The following TRIM22 variants were observed in gnomAD, a reference collection of about 807,000 sequenced individuals.
TRIM22 encodes the protein E3 ubiquitin-protein ligase TRIM22.
In TRIM22, 45 loss-of-function variants were observed where a neutral mutation model predicts 53.6. The observed-to-expected ratio is 0.84, with a 90% confidence interval of 0.66 to 1.08. The LOEUF (loss-of-function observed/expected upper bound fraction) is 1.08. Ranked by LOEUF, TRIM22 falls within the 50% of genes least tolerant of loss-of-function variation. The pLI is 0.00. For missense variants in TRIM22, 616 were observed against 590.9 expected (o/e 1.04, Z -0.44); for synonymous variants, 225 against 216.6 (o/e 1.04, Z -0.34).
At chr11:5,696,048 T>A in intron 1 of TRIM22, 119 bp from the exon 2 acceptor site, 1 of 511,236 alleles carries the variant, frequency 2.0e-6, no homozygotes, top group Non-Finnish European at 3.4e-6. Flanking sequence ...TTATTCTTCA[T>A]GCCTTTCTTT....
chr11:5,707,387 T>G (rs569524795), intron 5 of TRIM22, among the ~76,000 whole-genome samples: 95 of 152,316 alleles, frequency 6.2e-4, no homozygotes, highest in African/African-American at 2.3e-3. Context: ...AGGAGACAGA[T>G]TCTATGGCCT....
At chr11:5,701,700 G>A (rs1353502320) in intron 4 of TRIM22, among the ~76,000 whole-genome samples, 2 of 152,070 alleles carry the variant, frequency 1.3e-5, no homozygotes, top group African/African-American at 4.8e-5. Context: ...AGTTCTGAAA[G>A]CTCAGAGCCC....
At chr11:5,699,135 C>G (rs1183473648) in intron 4 of TRIM22, among the ~76,000 whole-genome samples, 2 of 152,078 alleles carry the variant, frequency 1.3e-5, no homozygotes. Context: ...GAATATTTTC[C>G]AGTTAGGGAC....
chr11:5,698,613 C>T, intron 4 of TRIM22, 68 bp downstream of exon 4: 1 of 1,313,414 alleles, frequency 7.6e-7, no homozygotes, highest in Non-Finnish European at 1.1e-6. Flanking sequence ...TTTTCCTTCC[C>T]TTCCCAGTCT....
intron 4 of TRIM22, among the ~76,000 whole-genome samples, chr11:5,700,403 C>T (rs1853352834): frequency 6.6e-6 from 1 of 151,938 alleles, no homozygotes; most frequent in African/African-American, 2.4e-5. Flanking sequence ...GCGTGAGCCA[C>T]CGCGCCTGGC....
At chr11:5,696,794 C>A in intron 2 of TRIM22, 139 bp downstream of exon 2, 2 of 939,240 alleles carry the variant, frequency 2.1e-6, no homozygotes, top group South Asian at 1.8e-5. Flanking sequence ...ATACTCTTTG[C>A]TTAGTTTCTG....
At chr11:5,691,347 C>A (rs953142942) in intron 1 of TRIM22, among the ~76,000 whole-genome samples, 53 of 152,198 alleles carry the variant, frequency 3.5e-4, no homozygotes, top group Non-Finnish European at 6.3e-4. Flanking sequence ...TGACTGGGGG[C>A]TGCATACACC....
intron 4 of TRIM22, among the ~76,000 whole-genome samples, chr11:5,703,920 A>G: frequency 6.6e-6 from 1 of 152,210 alleles, no homozygotes; most frequent in East Asian, 1.9e-4. Context: ...AACCTGAGAA[A>G]TGCAAATCAA....
In TRIM22 at chr11:5,709,236, C is replaced by A; in HGVS notation, c.1085C>A (p.Ser362Tyr). The part of the protein sequence containing the change: ...SGKYYWEVDV[S>Y]GKIAWILGVH... ...AAATATTACTGGGAAGTAGATGTGT[C>A]TGGAAAGATTGCCTGGATCCTGGGC... Residue 362 changes from serine (S) to tyrosine (Y), a missense_variant, in exon 8 of 8, where the codon TCT becomes TAT. Physicochemically the swap from Ser to Tyr is moderately radical, Grantham distance 144. Coordinates refer to ENST00000379965, the MANE Select transcript of TRIM22 (RefSeq NM_006074.5). 1 of 1,614,130 alleles carries A rather than the reference C, an allele frequency of 6.2e-7. No homozygotes were observed. The highest frequency in any genetic ancestry group is 8.5e-7 in the Non-Finnish European group (1 of 1,180,026).
At position 5,696,750 on chromosome 11, in the gene TRIM22, C is replaced by T. The variant is rs376896776; in HGVS notation, c.423+95C>T. ...TTTTGTCCTGCTTTATTCCCCTTGT[C>T]ACCATAGAACGGAGAGCCCTGTGAT... On this transcript the variant is annotated intron_variant, in intron 2 of 7. Transcript: ENST00000379965. 5.3e-6 allele frequency: 7 copies of T among 1,321,376 alleles called. No individual in the cohort carries two copies. The Admixed American group carries it at 9.7e-5, about 18-fold the overall frequency. The allele number at this position is 1,321,376 out of a possible 1,614,324, so 81.9% of individuals were successfully genotyped here. A position where few individuals can be genotyped will look rare whatever the true frequency, so the allele number is the denominator to read the frequency against.
In TRIM22 at chr11:5,708,289, G is replaced by A; in HGVS notation, c.874+16G>A. The A allele has an allele frequency of 1.9e-6, 3 of 1,604,252 alleles. No homozygotes were observed. The highest frequency in any genetic ancestry group is 1.7e-5 in the Admixed American group (1 of 59,982). On this transcript the variant is annotated intron_variant, in intron 6 of 7. Transcript: ENST00000379965. ...GTTCTTAAAGGTAAGGGGATTCAGG[G>A]GAAGGCTGTGAATGTGGATTTCTTA...
chr11:5,693,817 G>A lies in TRIM22; in HGVS notation c.-66-2350G>A, dbSNP rs181159083. ...TGTCATAGAAAAAGTACCAAAAGTGGTTGGCTTAAATAGCAGAAATATATT... is the reference window on the plus strand; with the variant it reads ...TGTCATAGAAAAAGTACCAAAAGTGATTGGCTTAAATAGCAGAAATATATT... On this transcript the variant is annotated intron_variant, in intron 1 of 7. Coordinates refer to ENST00000379965, the MANE Select transcript of TRIM22 (RefSeq NM_006074.5). Among the ~76,000 whole-genome samples the A allele has an allele frequency of 7.9e-5, 12 of 152,060 alleles. No homozygotes were observed. In the East Asian group the frequency reaches 2.1e-3, roughly 27 times the overall value.
intron 1 of TRIM22, among the ~76,000 whole-genome samples, 180 bp downstream of exon 1, chr11:5,690,079 C>A (rs113928802): frequency 3.2e-4 from 49 of 152,252 alleles, no homozygotes; most frequent in Non-Finnish European, 2.8e-4. Flanking sequence ...AGAGGGGTAA[C>A]CTTTAAAGAA....
Position 5,693,928 on chromosome 11 carries a change from G to A in TRIM22, c.-66-2239G>A, listed in dbSNP as rs1853217634. 3.3e-5 allele frequency among the ~76,000 whole-genome samples: 5 copies of A among 152,202 alleles called. No homozygotes were observed. The South Asian group carries it at 1.0e-3, about 32-fold the overall frequency. ...CTGAAGGCTATGAAGGAGGCCTCTGGTCCATGCCTCTCTTCTAGCTTCTAA... is the reference window on the plus strand; with the variant it reads ...CTGAAGGCTATGAAGGAGGCCTCTGATCCATGCCTCTCTTCTAGCTTCTAA... On this transcript the variant is annotated intron_variant, in intron 1 of 7. Coordinates refer to ENST00000379965, the MANE Select transcript of TRIM22 (RefSeq NM_006074.5).
intron 4 of TRIM22, among the ~76,000 whole-genome samples, chr11:5,706,113 A>G (rs1853453637): frequency 6.6e-6 from 1 of 152,246 alleles, no homozygotes; most frequent in African/African-American, 2.4e-5. Context: ...TAAAAACACA[A>G]TGAATTAATG....
Position 5,699,291 on chromosome 11 carries a change from G to A in TRIM22, c.750+746G>A, listed in dbSNP as rs578133961. 3.6e-4 allele frequency among the ~76,000 whole-genome samples: 46 copies of A among 128,420 alleles called. 1 individual carries two copies. Among genetic ancestry groups the A allele is most frequent in the African/African-American group, 1.3e-3 (34 of 26,792 alleles). 84.2% of individuals were successfully genotyped at this position (128,420 alleles called of 152,430 possible). On this transcript the variant is annotated intron_variant, in intron 4 of 7. Coordinates refer to ENST00000379965, the MANE Select transcript of TRIM22 (RefSeq NM_006074.5). ...TGTAATCCCAGCACTTTGGGAGGCC[G>A]AGGCGGGTGGATCATGAGGTCAGGA...
intron 4 of TRIM22, among the ~76,000 whole-genome samples, chr11:5,699,472 C>A (rs1025501103): frequency 9.0e-6 from 1 of 110,624 alleles, no homozygotes; most frequent in Non-Finnish European, 1.7e-5. Flanking sequence ...TGCAATGAAC[C>A]GAGATTGCGC....
chr11:5,695,916 T>A lies in TRIM22; in HGVS notation c.-66-251T>A, dbSNP rs1259826050. On this transcript the variant is annotated intron_variant, in intron 1 of 7. Transcript: ENST00000379965. ...CTCTTGGTAGAAGAGCCTCAGTTTG[T>A]CCTCTCCAGTAGAAGAGAAAATAAC... Among the ~76,000 whole-genome samples, 4 of 152,126 alleles carry A rather than the reference T, an allele frequency of 2.6e-5. No homozygotes were observed. The East Asian group carries it at 7.7e-4, about 29-fold the overall frequency.
In TRIM22 at chr11:5,698,357, A is replaced by T; in HGVS notation, c.562A>T (p.Asn188Tyr). 4 of 1,614,230 alleles carry T rather than the reference A, an allele frequency of 2.5e-6. No individual in the cohort carries two copies. Among genetic ancestry groups the T allele is most frequent in the Non-Finnish European group, 3.4e-6 (4 of 1,180,038 alleles). Residue 188 changes from asparagine to tyrosine, a missense_variant, in exon 4 of 8, where the codon AAT (asparagine) becomes TAT (tyrosine). Asn to Tyr is a moderately radical substitution (Grantham distance 143, BLOSUM62 -2). Transcript: ENST00000379965. ...IERQKILKGFNEMRVILDNEE... is the reference protein window; with the variant it reads ...IERQKILKGFYEMRVILDNEE... ...GAGACAGAAGATTCTGAAAGGGTTC[A>T]ATGAAATGAGAGTCATCTTGGACAA...
Sources: gnomAD v4.1 joint callset for allele counts (sites outside exome capture counted in the v4.1 genomes callset) on GRCh38, gnomAD v4.1.1 for gene constraint, MANE v1.5 for transcripts, NCBI Gene and HGNC (gene_info 2026-07-23, HGNC 2026-07-21) for gene names.